AHSA1: variants seen among roughly 807,000 people sequenced by gnomAD.
AHSA1 encodes activator of HSP90 ATPase activity 1, also known as activator of 90 kDa heat shock protein ATPase homolog 1.
AHSA1 carries 14 observed loss-of-function variants against 46.1 expected under a neutral mutation model. That is an observed-to-expected ratio of 0.30 (90% CI 0.20 to 0.47). AHSA1 has a LOEUF of 0.47. AHSA1 is among the 20% of genes least tolerant of loss of function. AHSA1 has a pLI of 0.99. For synonymous variants in AHSA1, 147 were observed against 145.8 expected (o/e 1.01, Z -0.06); for missense variants, 333 against 415.9 (o/e 0.80, Z 1.73).
intron 4 of AHSA1, among the ~76,000 whole-genome samples, chr14:77,463,348 G>A (rs1166263916): frequency 1.3e-5 from 2 of 152,012 alleles, no homozygotes; most frequent in African/African-American, 4.8e-5. Context: ...CAGCCCTTTG[G>A]GAAGCCGAGG....
intron 2 of AHSA1, among the ~76,000 whole-genome samples, chr14:77,460,988 T>C (rs2079020760): frequency 1.4e-5 from 2 of 146,222 alleles, no homozygotes; most frequent in African/African-American, 5.0e-5. Context: ...TGAAACCCCG[T>C]CTCTACTAAA....
intron 4 of AHSA1, among the ~76,000 whole-genome samples, chr14:77,463,486 T>C (rs2079034403): frequency 6.7e-6 from 1 of 148,752 alleles, no homozygotes; most frequent in Non-Finnish European, 1.5e-5. Flanking sequence ...CTCAAGAGGC[T>C]GAGGCAGGAG....
chr14:77,459,349 C>G (rs914771710), intron 1 of AHSA1, among the ~76,000 whole-genome samples: 1 of 152,162 alleles, frequency 6.6e-6, no homozygotes, highest in African/African-American at 2.4e-5. Context: ...ATCAAGTATT[C>G]CCCCGCACCA....
At chr14:77,468,820 G>C in intron 8 of AHSA1, 1 of 607,012 alleles carries the variant, frequency 1.6e-6, no homozygotes, top group East Asian at 2.9e-5. Flanking sequence ...GGGCTCAAGT[G>C]ATCCTCCTGC....
At chr14:77,460,977 G>A (rs1250685592) in intron 2 of AHSA1, among the ~76,000 whole-genome samples, 3 of 150,478 alleles carry the variant, frequency 2.0e-5, no homozygotes, top group East Asian at 1.9e-4. Context: ...GGCTGACACA[G>A]TGAAACCCCG....
At chr14:77,459,965 C>A in intron 2 of AHSA1, 159 bp downstream of exon 2, 7 of 784,326 alleles carry the variant, frequency 8.9e-6, no homozygotes, top group Non-Finnish European at 1.2e-5. Context: ...CCTGGAATTT[C>A]TTTGCCATTG....
rs185847078 is a variant in AHSA1, at chr14:77,461,020, G to A, written c.272-1140G>A. On this transcript the variant is annotated intron_variant, in intron 2 of 8. Coordinates refer to ENST00000216479, the MANE Select transcript of AHSA1 (RefSeq NM_012111.3). Reference sequence around the variant, plus strand: ...TAAAAATACAAAAAATTAGCCCGGCGTGGTGGCATGTGCCTGTAGTCCCAG... The same window carrying A: ...TAAAAATACAAAAAATTAGCCCGGCATGGTGGCATGTGCCTGTAGTCCCAG... 4.9e-3 allele frequency among the ~76,000 whole-genome samples: 747 copies of A among 151,954 alleles called. 3 individuals are homozygous for A. Among genetic ancestry groups the A allele is most frequent in the Middle Eastern group, 0.02 (6 of 294 alleles).
At chr14:77,462,009 T>A (rs1406105349) in intron 2 of AHSA1, 151 bp from the exon 3 acceptor site, 4 of 571,974 alleles carry the variant, frequency 7.0e-6, no homozygotes, top group Non-Finnish European at 1.2e-5. Flanking sequence ...GGGGTGCGGG[T>A]GTTGATTGCA....
At chr14:77,464,249 C>T (rs11624190) in intron 4 of AHSA1, among the ~76,000 whole-genome samples, 82,268 of 151,836 alleles carry the variant, frequency 0.54, 25,386 homozygotes, top group East Asian at 0.94. Context: ...TGGTGGTGCA[C>T]GCCTATAATC....
intron 5 of AHSA1, 105 bp from the exon 6 acceptor site, chr14:77,465,434 G>A (rs1469673412): frequency 7.5e-7 from 1 of 1,329,110 alleles, no homozygotes; most frequent in Non-Finnish European, 1.0e-6. Context: ...TACCCTTGGA[G>A]GTGAACATTT....
At position 77,459,543 on chromosome 14, in the gene AHSA1, C is replaced by T. The variant is rs573485228; in HGVS notation, c.81-73C>T. 328 of 1,502,644 alleles carry T rather than the reference C, an allele frequency of 2.2e-4. 2 individuals carry two copies. In the African/African-American group the frequency reaches 3.8e-3, roughly 17 times the overall value. 93.1% of individuals were successfully genotyped at this position (1,502,644 alleles called of 1,614,324 possible). A position where few individuals can be genotyped will look rare whatever the true frequency, so the allele number is the denominator to read the frequency against. On this transcript the variant is annotated intron_variant, in intron 1 of 8. Coordinates refer to ENST00000216479, the MANE Select transcript of AHSA1 (RefSeq NM_012111.3). ...AACTATTTGTCAGGCCTCCTTTAAC[C>T]TCGTATTCTCTTGCATAGAGCAGCG...
At chr14:77,462,782 T>G (rs200291067) in intron 4 of AHSA1, 23 bp downstream of exon 4, 1 of 1,594,618 alleles carries the variant, frequency 6.3e-7, no homozygotes, top group Non-Finnish European at 8.6e-7. Context: ...TAGTTCTGTA[T>G]GCCTTAAGGA....
At chr14:77,460,106 G>T (rs1323223573) in intron 2 of AHSA1, 13 of 399,838 alleles carry the variant, frequency 3.3e-5, no homozygotes, top group Non-Finnish European at 6.1e-5. Flanking sequence ...CTAGCTACAT[G>T]TATCTTGTGA....
At chr14:77,463,413 C>G (rs1594939503) in intron 4 of AHSA1, among the ~76,000 whole-genome samples, 2 of 151,992 alleles carry the variant, frequency 1.3e-5, no homozygotes, top group South Asian at 4.2e-4. Context: ...ATAGAGAAAC[C>G]CCATCTCTAC....
chr14:77,464,543 C>T (rs1332809696), intron 4 of AHSA1, 55 bp from the exon 5 acceptor site: 1 of 1,457,532 alleles, frequency 6.9e-7, no homozygotes, highest in Non-Finnish European at 9.5e-7. Context: ...TAATGAAACT[C>T]CAGATCTCAG....
rs146186794 is a variant in AHSA1, at chr14:77,459,712, G to A, written c.177G>A (p.Thr59=). ...ATGAAGAAGGCAAGTGTGAGGTGAC[G>A]GAAGTGAGTAAGCTTGATGGAGAGG... ...VQNEEGKCEV[T]EVSKLDGEAS... The change falls in exon 2 of 9, where the codon ACG becomes ACA. Residue 59 remains threonine, a synonymous_variant. Coordinates refer to ENST00000216479, the MANE Select transcript of AHSA1 (RefSeq NM_012111.3). The A allele has an allele frequency of 5.6e-4, 901 of 1,614,192 alleles. 4 individuals are homozygous for A. The African/African-American group carries it at 0.011, about 19-fold the overall frequency.
chr14:77,468,743 TTTACTTTTTTAC>T (rs2079060033), intron 8 of AHSA1: 9 of 407,720 alleles, frequency 2.2e-5, no homozygotes, highest in Admixed American at 1.8e-4. Context: ...TTTTTTTTTT[TTTACTTTTTTAC>T]TTTTTTTGTA....
intron 3 of AHSA1, 125 bp from the exon 4 acceptor site, chr14:77,462,517 G>A (rs890526832): frequency 6.0e-5 from 55 of 916,500 alleles, no homozygotes; most frequent in East Asian, 1.7e-4. Flanking sequence ...GGGATTGTAC[G>A]AATACCGCAG....
At chr14:77,463,036 G>C in intron 4 of AHSA1, 1 of 306,166 alleles carries the variant, frequency 3.3e-6, no homozygotes, top group Non-Finnish European at 6.4e-6. Flanking sequence ...TCCCAGCACT[G>C]TTGGATGCTG....
Sources: allele counts gnomAD v4.1 joint callset (sites outside exome capture counted in the v4.1 genomes callset), GRCh38; gene constraint gnomAD v4.1.1; transcripts MANE v1.5; gene names NCBI Gene and HGNC (gene_info 2026-07-23, HGNC 2026-07-21).